Variants in CCDC15 observed in about 807,000 individuals in gnomAD.
CCDC15 encodes coiled-coil domain-containing protein 15.
Under a neutral mutation model 114.5 loss-of-function variants are expected in CCDC15, and 105 were observed. The ratio of observed to expected loss-of-function variants is 0.92; its 90% CI spans 0.78 to 1.08. The LOEUF (loss-of-function observed/expected upper bound fraction) is 1.08. CCDC15 is among the 50% of genes least tolerant of loss of function. The pLI is 0.00. For synonymous variants in CCDC15, 334 were observed against 377.8 expected (o/e 0.88, Z 1.34); for missense variants, 1,105 against 1,093.6 (o/e 1.01, Z -0.15).
Position 124,959,258 on chromosome 11 carries a change from T to G in CCDC15, c.321T>G (p.Tyr107Ter). 1.3e-6 allele frequency: 2 copies of G among 1,574,116 alleles called. No individual in the cohort carries two copies. The change falls in exon 3 of 16, where the codon TAT becomes TAG. Residue 107 changes from tyrosine (Y) to a stop codon, truncating the protein, a stop_gained. Transcript: ENST00000344762. LOFTEE classifies it high-confidence loss of function. ...LRKKQQLQKS[Y>*]ERAQKEGSIA... ...AAAAGCAACAGCTTCAGAAGTCTTA[T>G]GAAAGAGTAAGTTCAAAAGTGAGCC...
intron 13 of CCDC15, among the ~76,000 whole-genome samples, chr11:125,005,635 A>G (rs973680864): frequency 2.0e-5 from 3 of 152,144 alleles, no homozygotes; most frequent in Admixed American, 1.3e-4. Flanking sequence ...TGACAAATAC[A>G]TAATGTCATG....
chr11:125,023,687 C>G (rs543924273), intron 13 of CCDC15, among the ~76,000 whole-genome samples: 1 of 151,996 alleles, frequency 6.6e-6, no homozygotes, highest in East Asian at 1.9e-4. Context: ...CCCAAATGTT[C>G]CTGGTGAGGA....
At position 124,991,840 on chromosome 11, in the gene CCDC15, C is replaced by A. The variant is rs146512903; in HGVS notation, c.2031+257C>A. ...CTGGGATTACAGGCGCATGCCAGCA[C>A]GCCTGGCTAATTTTTGTTTTTTTAG... On this transcript the variant is annotated intron_variant, in intron 9 of 15. Coordinates refer to ENST00000344762, the MANE Select transcript of CCDC15 (RefSeq NM_025004.3). Among the ~76,000 whole-genome samples the A allele has an allele frequency of 8.8e-3, 1,333 of 152,258 alleles. 8 individuals are homozygous for A. Among genetic ancestry groups the A allele is most frequent in the Admixed American group, 0.014 (217 of 15,278 alleles).
At chr11:125,040,564 A>G (rs760925951) in intron 15 of CCDC15, 26 bp from the exon 16 acceptor site, 1 of 1,583,822 alleles carries the variant, frequency 6.3e-7, no homozygotes, top group Non-Finnish European at 8.6e-7. Context: ...GACTTTATTC[A>G]TTGCTGTGCA....
intron 13 of CCDC15, among the ~76,000 whole-genome samples, chr11:125,013,181 G>A (rs1230257356): frequency 6.6e-6 from 1 of 152,182 alleles, no homozygotes; most frequent in Non-Finnish European, 1.5e-5. Context: ...GGCAGGGATA[G>A]TCTAGGGAGG....
At chr11:124,955,191 C>T (rs983193692) in intron 2 of CCDC15, among the ~76,000 whole-genome samples, 7 of 152,192 alleles carry the variant, frequency 4.6e-5, no homozygotes, top group Admixed American at 1.3e-4. Context: ...TATCAGTTTA[C>T]TTCAGACTCT....
At chr11:124,979,496 A>C (rs992429505) in intron 6 of CCDC15, among the ~76,000 whole-genome samples, 6 of 151,806 alleles carry the variant, frequency 4.0e-5, no homozygotes, top group African/African-American at 7.3e-5. Context: ...GAGGCCTTTC[A>C]CCTCCTTAGT....
intron 13 of CCDC15, among the ~76,000 whole-genome samples, chr11:125,007,630 T>C (rs890191557): frequency 1.3e-5 from 2 of 152,190 alleles, no homozygotes; most frequent in African/African-American, 4.8e-5. Context: ...AAGTTCTGTT[T>C]TTAGGTTTTT....
intron 4 of CCDC15, among the ~76,000 whole-genome samples, chr11:124,968,651 C>T (rs1216295556): frequency 2.0e-5 from 3 of 152,190 alleles, no homozygotes; most frequent in South Asian, 2.1e-4. Flanking sequence ...GTTCACCCTC[C>T]GTAGGCTGCA....
At position 125,040,834 on chromosome 11, in the gene CCDC15, A is replaced by G. The variant is rs12288066; in HGVS notation, c.*123A>G. On this transcript the variant is annotated 3_prime_UTR_variant, in exon 16 of 16. Coordinates refer to ENST00000344762, the MANE Select transcript of CCDC15 (RefSeq NM_025004.3). Reference sequence around the variant, plus strand: ...TCTGGGAAGAAATACTGTCTCATATAATAATTAGATTGTAATCATTGTTTT... The same window carrying G: ...TCTGGGAAGAAATACTGTCTCATATGATAATTAGATTGTAATCATTGTTTT... 0.17 allele frequency: 137,698 copies of G among 814,912 alleles called. 13,264 individuals are homozygous for G. Among genetic ancestry groups the G allele is most frequent in the African/African-American group, 0.34 (19,518 of 57,862 alleles). The allele number at this position is 814,912 out of a possible 1,614,324, so 50.5% of individuals were successfully genotyped here. A position where few individuals can be genotyped will look rare whatever the true frequency, so the allele number is the denominator to read the frequency against.
In CCDC15 at chr11:124,977,532, G is replaced by C. The variant is rs1173672270; in HGVS notation, c.685G>C (p.Glu229Gln). ...TGGGATAAATACAGGAATAAGAGGA[G>C]AGTTGCCCATTAAGGTCCATCAAGG... ...STGINTGIRG[E>Q]LPIKVHQGLL... Residue 229 changes from glutamate (E) to glutamine (Q), a missense_variant, in exon 6 of 16, where the codon GAG becomes CAG. Glu to Gln is a conservative substitution (Grantham distance 29, BLOSUM62 2). Transcript: ENST00000344762. The C allele has an allele frequency of 1.2e-6, 2 of 1,607,850 alleles. No individual in the cohort carries two copies. The highest frequency in any genetic ancestry group is 1.7e-5 in the Admixed American group (1 of 59,204).
At chr11:125,004,513 A>G (rs1948528448) in intron 12 of CCDC15, among the ~76,000 whole-genome samples, 1 of 152,028 alleles carries the variant, frequency 6.6e-6, no homozygotes, top group African/African-American at 2.4e-5. Context: ...GCCCTGCACT[A>G]CTTTGGTATA....
intron 13 of CCDC15, among the ~76,000 whole-genome samples, chr11:125,018,638 T>C (rs574745730): frequency 6.6e-6 from 1 of 152,182 alleles, no homozygotes; most frequent in South Asian, 2.1e-4. Flanking sequence ...ACAATAAGGA[T>C]AATAATGATA....
At chr11:124,964,483 A>G (rs1024571486) in intron 4 of CCDC15, among the ~76,000 whole-genome samples, 1 of 152,182 alleles carries the variant, frequency 6.6e-6, no homozygotes, top group Non-Finnish European at 1.5e-5. Flanking sequence ...ATTTTTGCAC[A>G]TTGATTTTGT....
intron 5 of CCDC15, among the ~76,000 whole-genome samples, chr11:124,975,999 C>T (rs1475221052): frequency 2.6e-5 from 4 of 151,718 alleles, no homozygotes; most frequent in Non-Finnish European, 4.4e-5. Flanking sequence ...AATTTGGATC[C>T]TAAATTTATG....
intron 13 of CCDC15, among the ~76,000 whole-genome samples, chr11:125,012,642 C>A (rs1425901129): frequency 6.6e-6 from 1 of 151,992 alleles, no homozygotes; most frequent in Non-Finnish European, 1.5e-5. Flanking sequence ...ATATGTTTTG[C>A]AGGGAAGGGG....
At chr11:124,959,072 A>G in intron 2 of CCDC15, 43 bp from the exon 3 acceptor site, 2 of 1,439,320 alleles carry the variant, frequency 1.4e-6, no homozygotes, top group Non-Finnish European at 1.9e-6. Flanking sequence ...AATGGACAAA[A>G]CTGCTAACAT....
intron 4 of CCDC15, among the ~76,000 whole-genome samples, chr11:124,970,722 A>G (rs1344859341): frequency 6.6e-6 from 1 of 152,218 alleles, no homozygotes; most frequent in Non-Finnish European, 1.5e-5. Flanking sequence ...TGGCTAAAAA[A>G]TTACACAAAC....
intron 6 of CCDC15, among the ~76,000 whole-genome samples, chr11:124,983,424 C>G (rs1948105843): frequency 6.6e-6 from 1 of 151,982 alleles, no homozygotes; most frequent in Non-Finnish European, 1.5e-5. Flanking sequence ...GTTGTTCCTT[C>G]AGTCTTTGAA....
Sources: gnomAD v4.1 joint callset for allele counts (sites outside exome capture counted in the v4.1 genomes callset) on GRCh38, gnomAD v4.1.1 for gene constraint, MANE v1.5 for transcripts, NCBI Gene and HGNC (gene_info 2026-07-23, HGNC 2026-07-21) for gene names.